Variants in SENP7 observed in about 807,000 individuals in gnomAD.
The protein encoded by SENP7 is SUMO specific peptidase 7, also known as sentrin-specific protease 7.
A neutral mutation model predicts 141.2 loss-of-function variants in SENP7; 64 were observed. That is an observed-to-expected ratio of 0.45 (90% CI 0.37 to 0.56). The LOEUF (loss-of-function observed/expected upper bound fraction) is 0.56. SENP7 is among the 20% of genes least tolerant of loss of function. The pLI is 0.00. For missense variants in SENP7, 1,025 were observed against 1,212.2 expected (o/e 0.85, Z 2.29); for synonymous variants, 382 against 426.4 (o/e 0.90, Z 1.28).
chr3:101,425,624 C>T (rs1193619092), intron 4 of SENP7, among the ~76,000 whole-genome samples: 1 of 152,130 alleles, frequency 6.6e-6, no homozygotes, highest in Non-Finnish European at 1.5e-5. Context: ...TCCAAAGAAC[C>T]GAACCATCTC....
chr3:101,369,777 T>G lies in SENP7; in HGVS notation c.797-1766A>C, dbSNP rs565204345. Among the ~76,000 whole-genome samples the G allele has an allele frequency of 1.2e-4, 19 of 152,216 alleles. No individual in the cohort carries two copies. The South Asian group carries it at 3.9e-3, about 32-fold the overall frequency. ...TTGCATATCAGTCAAGCCTGTCTCA[T>G]GGAAAAAGGAATAACTTTATTATAT... On this transcript the variant is annotated intron_variant, in intron 7 of 23. Transcript: ENST00000394095.
chr3:101,359,305 T>C (rs2059828934), intron 11 of SENP7: 1 of 151,762 alleles, frequency 6.6e-6, no homozygotes, highest in Non-Finnish European at 1.5e-5. Context: ...TGATTTTGTG[T>C]CCTAAAACTT....
At chr3:101,392,199 T>A (rs1488067234) in intron 6 of SENP7, among the ~76,000 whole-genome samples, 1 of 152,082 alleles carries the variant, frequency 6.6e-6, no homozygotes, top group African/African-American at 2.4e-5. Flanking sequence ...TTCAGCACAG[T>A]CCTAGAAGTC....
chr3:101,430,754 T>C (rs769847780), intron 4 of SENP7, among the ~76,000 whole-genome samples: 1 of 152,214 alleles, frequency 6.6e-6, no homozygotes, highest in Non-Finnish European at 1.5e-5. Flanking sequence ...CTTCCTTCTG[T>C]AGTTCTTTTA....
chr3:101,453,451 G>A (rs1346794485), intron 4 of SENP7, among the ~76,000 whole-genome samples: 1 of 152,138 alleles, frequency 6.6e-6, no homozygotes, highest in Non-Finnish European at 1.5e-5. Flanking sequence ...CAATAGCAAA[G>A]ACTTGGAACC....
chr3:101,357,768 A>G lies in SENP7; in HGVS notation c.1623+3947T>C. Reference sequence around the variant, plus strand: ...TACTGGAAAAAAAACTTTTAAATGTAAAGAATGAGGCAAAGCTTTTAACCA... The same window carrying G: ...TACTGGAAAAAAAACTTTTAAATGTGAAGAATGAGGCAAAGCTTTTAACCA... On this transcript the variant is annotated intron_variant, in intron 11 of 23. Transcript: ENST00000394095. 7.9e-6 allele frequency: 5 copies of G among 629,218 alleles called. No individual in the cohort carries two copies. In the South Asian group the frequency reaches 8.2e-5, roughly 10 times the overall value. 39.0% of individuals were successfully genotyped at this position (629,218 alleles called of 1,614,324 possible).
rs1210559868 is a variant in SENP7 at position 101,458,968 on chromosome 3, A to C, written c.271T>G (p.Ser91Ala). ...HIRGCPVTSK[S>A]SPERQLKVML... The stretch of plus-strand genomic sequence containing the variant: ...CACATATCTTACCTTTCTGGTGATG[A>C]CTTGGAAGTAACAGGACACCCTCGG... The change falls in exon 4 of 24, where the codon TCA (serine) becomes GCA (alanine). Residue 91 changes from serine (S) to alanine (A), a missense_variant. This residue lies in a region of SENP7 where 496 missense variants were observed against 503.5 expected (regional missense o/e 0.99). Transcript: ENST00000394095. 1 of 1,602,216 alleles carries C rather than the reference A, an allele frequency of 6.2e-7. No individual in the cohort carries two copies. The highest frequency in any genetic ancestry group is 8.5e-7 in the Non-Finnish European group (1 of 1,170,224).
At chr3:101,418,877 T>C (rs1339381818) in intron 4 of SENP7, among the ~76,000 whole-genome samples, 3 of 152,266 alleles carry the variant, frequency 2.0e-5, no homozygotes, top group Non-Finnish European at 4.4e-5. Flanking sequence ...TATGGATCAA[T>C]AATAATTCAT....
At chr3:101,451,914 A>G (rs1343113030) in intron 4 of SENP7, among the ~76,000 whole-genome samples, 1 of 152,232 alleles carries the variant, frequency 6.6e-6, no homozygotes, top group African/African-American at 2.4e-5. Flanking sequence ...GAAATGAGGA[A>G]GTCAAATTGT....
chr3:101,411,712 T>C (rs1306455083), intron 5 of SENP7, among the ~76,000 whole-genome samples: 2 of 152,246 alleles, frequency 1.3e-5, no homozygotes, highest in Non-Finnish European at 1.5e-5. Context: ...TCATCTTTCA[T>C]ACTATCTGAA....
At chr3:101,500,452 G>A (rs967525507) in intron 2 of SENP7, among the ~76,000 whole-genome samples, 1 of 152,026 alleles carries the variant, frequency 6.6e-6, no homozygotes, top group African/African-American at 2.4e-5. Flanking sequence ...AGCTACATGG[G>A]AGGCTGAGGC....
At chr3:101,395,975 C>T (rs996305149) in intron 6 of SENP7, among the ~76,000 whole-genome samples, 1 of 152,228 alleles carries the variant, frequency 6.6e-6, no homozygotes, top group East Asian at 1.9e-4. Flanking sequence ...CTTATATCTG[C>T]ACACTAACCC....
intron 6 of SENP7, among the ~76,000 whole-genome samples, chr3:101,395,922 T>C (rs1436679461): frequency 6.6e-6 from 1 of 152,232 alleles, no homozygotes; most frequent in East Asian, 1.9e-4. Flanking sequence ...AATCACCTAC[T>C]AACTTCCTGG....
intron 4 of SENP7, among the ~76,000 whole-genome samples, chr3:101,424,378 C>T (rs1201691173): frequency 2.7e-5 from 4 of 149,326 alleles, no homozygotes; most frequent in Admixed American, 6.8e-5. Flanking sequence ...GCTTTCTTTG[C>T]CCCAGCAGCA....
intron 3 of SENP7, among the ~76,000 whole-genome samples, chr3:101,463,380 T>TGTATATATATATATATAC (rs2063633841): frequency 2.8e-5 from 2 of 72,142 alleles, no homozygotes; most frequent in Admixed American, 3.4e-4. Context: ...TATATATATA[T>TGTATATATATATATATAC]ATATATATAT....
chr3:101,358,095 T>G (rs2059792271), intron 11 of SENP7: 3 of 584,058 alleles, frequency 5.1e-6, no homozygotes, highest in South Asian at 1.8e-5. Flanking sequence ...TCTACAAATG[T>G]GAAGAATGTG....
chr3:101,453,536 A>T (rs2063230502), intron 4 of SENP7, among the ~76,000 whole-genome samples: 1 of 152,262 alleles, frequency 6.6e-6, no homozygotes, highest in Admixed American at 6.5e-5. Flanking sequence ...CTATGCAGCC[A>T]TAAAAAATGA....
intron 5 of SENP7, chr3:101,414,439 T>C: frequency 3.1e-6 from 4 of 1,304,554 alleles, no homozygotes; most frequent in Non-Finnish European, 4.4e-6. Flanking sequence ...GTTGGAGAAG[T>C]TCCAGGACCA....
chr3:101,453,547 T>C (rs2063231258), intron 4 of SENP7, among the ~76,000 whole-genome samples: 1 of 152,170 alleles, frequency 6.6e-6, no homozygotes, highest in Non-Finnish European at 1.5e-5. Flanking sequence ...TAAAAAATGA[T>C]GAGTTCATGT....
Sources: gnomAD v4.1 joint callset for allele counts (sites outside exome capture counted in the v4.1 genomes callset) on GRCh38, gnomAD v4.1.1 for gene constraint, gnomAD v4.1.1 regional missense constraint, MANE v1.5 for transcripts, NCBI Gene and HGNC (gene_info 2026-07-23, HGNC 2026-07-21) for gene names.